FUT8: variants seen among roughly 807,000 people sequenced by gnomAD.
FUT8 encodes fucosyltransferase 8.
A neutral mutation model predicts 71.3 loss-of-function variants in FUT8; 29 were observed. The ratio of observed to expected loss-of-function variants is 0.41; its 90% CI spans 0.30 to 0.55. The LOEUF (loss-of-function observed/expected upper bound fraction) is 0.55. Among genes scored for constraint, FUT8 ranks in the 20% least tolerant of loss-of-function variants. FUT8 has a pLI of 0.34. For synonymous variants in FUT8, 254 were observed against 239.3 expected, an observed-to-expected ratio of 1.06 and a Z score of -0.57; for missense variants, 544 against 702.1, an observed-to-expected ratio of 0.77 and a Z score of 2.55.
At chr14:65,695,483 C>T (rs1893946609) in intron 7 of FUT8, among the ~76,000 whole-genome samples, 1 of 151,960 alleles carries the variant, frequency 6.6e-6, no homozygotes, top group South Asian at 2.1e-4. Context: ...TATTAGAGCT[C>T]AGGTAAGATA....
chr14:65,526,922 T>C (rs10162506), intron 2 of FUT8, among the ~76,000 whole-genome samples: 9,560 of 152,266 alleles, frequency 0.063, 547 homozygotes, highest in South Asian at 0.2. Context: ...GAGTTTCTGC[T>C]GAGAGATCCA....
intron 7 of FUT8, among the ~76,000 whole-genome samples, chr14:65,702,843 A>G (rs1393452266): frequency 2.6e-5 from 4 of 151,744 alleles, no homozygotes; most frequent in South Asian, 2.1e-4. Flanking sequence ...GGTTCAAGTG[A>G]TTCTCCTGCC....
the FUT8 span, among the ~76,000 whole-genome samples, chr14:65,387,991 T>C: frequency 1.3e-5 from 2 of 152,210 alleles, no homozygotes; most frequent in African/African-American, 4.8e-5. Flanking sequence ...TTTATCTTCT[T>C]CTTAGCCTTA....
At chr14:65,559,464 T>A (rs766244586) in intron 2 of FUT8, among the ~76,000 whole-genome samples, 3 of 152,114 alleles carry the variant, frequency 2.0e-5, no homozygotes, top group African/African-American at 7.2e-5. Flanking sequence ...CTATGCCATT[T>A]TATGTAAGAA....
chr14:65,723,044 T>C (rs10145479), intron 8 of FUT8, among the ~76,000 whole-genome samples: 1,587 of 151,980 alleles, frequency 0.01, 29 homozygotes, highest in African/African-American at 0.037. Flanking sequence ...CCAGGCATAG[T>C]GGCTCATGCC....
rs190891156 is a variant in FUT8, at chr14:65,599,477, T to A, written c.204-16501T>A. Among the ~76,000 whole-genome samples, 3 of 152,322 alleles carry A rather than the reference T, an allele frequency of 2.0e-5. No homozygotes were observed. In the East Asian group the frequency reaches 5.8e-4, roughly 29 times the overall value. On this transcript the variant is annotated intron_variant, in intron 3 of 10. Coordinates refer to ENST00000673929, the MANE Select transcript of FUT8 (RefSeq NM_001371533.1). ...GTTATGAGTATTTTTAGAAATATTT[T>A]AAATTCTTACTCATGCTAGGGAATG... is the stretch of plus-strand genomic sequence containing the variant.
At chr14:65,428,721 A>AT (rs529540865) in intron 1 of FUT8, among the ~76,000 whole-genome samples, 11,286 of 152,258 alleles carry the variant, frequency 0.074, 500 homozygotes, top group Admixed American at 0.12. Context: ...GTTAATAAAG[A>AT]TTTTTGACGA....
At position 65,721,923 on chromosome 14, in the gene FUT8, G is replaced by A. The variant is rs779706301; in HGVS notation, c.984G>A (p.Val328=). The part of the protein sequence containing the change: ...RVHGDPAVWW[V]SQFVKYLIRP... ...ATGGTGACCCTGCAGTGTGGTGGGT[G>A]TCTCAGTTTGTCAAATACTTGATCC... Residue 328 remains valine, a synonymous_variant, in exon 8 of 11, where the codon GTG becomes GTA. Coordinates refer to ENST00000673929, the MANE Select transcript of FUT8 (RefSeq NM_001371533.1). The A allele has an allele frequency of 5.6e-6, 9 of 1,614,156 alleles. No homozygotes were observed. Among genetic ancestry groups the A allele is most frequent in the Non-Finnish European group, 5.9e-6 (7 of 1,180,028 alleles).
At chr14:65,504,481 C>T (rs1307231104) in intron 2 of FUT8, among the ~76,000 whole-genome samples, 3 of 152,298 alleles carry the variant, frequency 2.0e-5, no homozygotes, top group East Asian at 1.9e-4. Flanking sequence ...AGCAATAATA[C>T]CTGTCTTCAT....
At chr14:65,409,301 C>G (rs1039958879), upstream of FUT8, among the ~76,000 whole-genome samples, 1 of 152,190 alleles carries the variant, frequency 6.6e-6, no homozygotes, top group Non-Finnish European at 1.5e-5. This position sits in a 1 kb window ranked among gnomAD's most constrained non-coding sequence, Gnocchi z 5.4. Context: ...TCAGTTGGTA[C>G]ACGTTGGTAG....
At chr14:65,491,153 T>C (rs2066476653) in intron 2 of FUT8, among the ~76,000 whole-genome samples, 1 of 152,158 alleles carries the variant, frequency 6.6e-6, no homozygotes, top group South Asian at 2.1e-4. Flanking sequence ...TGCAAATATA[T>C]GCATTAAAAT....
At position 65,467,260 on chromosome 14, in the gene FUT8, GTATTT is replaced by G. The variant is rs766950450; in HGVS notation, c.-228+11554_-228+11558del. On this transcript the variant is annotated intron_variant, in intron 2 of 10. Transcript: ENST00000673929. This position sits in a 1 kb window ranked among gnomAD's most constrained non-coding sequence, Gnocchi z 4.1. ...GGGATTCTATAGGCATTCTAGTTTG[GTATTT>G]TATTTTATTTTTTTTAACAGCCCAG... Among the ~76,000 whole-genome samples the G allele has an allele frequency of 3.3e-5, 5 of 151,810 alleles. No homozygotes were observed. Among genetic ancestry groups the G allele is most frequent in the Non-Finnish European group, 5.9e-5 (4 of 67,948 alleles).
chr14:65,377,196 A>G, the FUT8 span, among the ~76,000 whole-genome samples: 1 of 152,154 alleles, frequency 6.6e-6, no homozygotes, highest in African/African-American at 2.4e-5. Context: ...AGCAGACAAT[A>G]TGAAAAGCTT....
chr14:65,426,709 A>G (rs2065393515), intron 1 of FUT8, among the ~76,000 whole-genome samples: 1 of 152,182 alleles, frequency 6.6e-6, no homozygotes, highest in Non-Finnish European at 1.5e-5. Context: ...CGCTCTTCTT[A>G]CACCTGCTGT....
chr14:65,368,678 C>A, the FUT8 span, among the ~76,000 whole-genome samples: 4 of 139,044 alleles, frequency 2.9e-5, 2 homozygotes, highest in Non-Finnish European at 6.4e-5. Context: ...TCCGCCACCA[C>A]TCCCAGCTAA....
chr14:65,457,401 G>T (rs1311892533), intron 2 of FUT8, among the ~76,000 whole-genome samples: 1 of 152,170 alleles, frequency 6.6e-6, no homozygotes, highest in Non-Finnish European at 1.5e-5. Context: ...AAAATTATTA[G>T]AAAGGGGATC....
chr14:65,508,491 G>GTTT (rs34809476), intron 2 of FUT8, among the ~76,000 whole-genome samples: 1,977 of 46,494 alleles, frequency 0.043, 669 homozygotes, highest in Non-Finnish European at 0.048. Context: ...AGTTGTTTGA[G>GTTT]TTTTTTTTTT....
At chr14:65,589,196 AT>A (rs1273768198) in intron 3 of FUT8, among the ~76,000 whole-genome samples, 1 of 152,214 alleles carries the variant, frequency 6.6e-6, no homozygotes, top group East Asian at 1.9e-4. Flanking sequence ...AGGTAGATTT[AT>A]TTATGATGAA....
chr14:65,714,419 TTTTATTTATTTATTTATTTA>T lies in FUT8; in HGVS notation c.836-7331_836-7312del, dbSNP rs55846929. Among the ~76,000 whole-genome samples the T allele has an allele frequency of 2.1e-4, 31 of 145,488 alleles. 1 individual carries two copies. Among genetic ancestry groups the T allele is most frequent in the African/African-American group, 4.9e-4 (19 of 39,048 alleles). On this transcript the variant is annotated intron_variant, in intron 7 of 10. Transcript: ENST00000673929. ...TGTGTCTTTTGTGGTTCCATATAAA[TTTTATTTATTTATTTATTTA>T]TTTATTTATTTATTTATTTATTTAG...
Sources: gnomAD v4.1 joint callset for allele counts (sites outside exome capture counted in the v4.1 genomes callset) on GRCh38, gnomAD v4.1.1 for gene constraint, Gnocchi (gnomAD v3.1) non-coding constraint, MANE v1.5 for transcripts, NCBI Gene and HGNC (gene_info 2026-07-23, HGNC 2026-07-21) for gene names.